The following ARHGAP24 variants were observed in gnomAD, a reference collection of about 807,000 sequenced individuals.
ARHGAP24 encodes the protein rho GTPase-activating protein 24.
ARHGAP24 carries 50 observed loss-of-function variants against 76.4 expected under a neutral mutation model. That is an observed-to-expected ratio of 0.65 (90% CI 0.52 to 0.83). The LOEUF is 0.83. Ranked by LOEUF, ARHGAP24 falls within the 40% of genes least tolerant of loss-of-function variation. The probability of loss-of-function intolerance (pLI) is 0.00; values close to 1 mark genes in which losing one functional copy is unlikely to be tolerated. For synonymous variants in ARHGAP24, 345 were observed against 323.3 expected (o/e 1.07, Z -0.72); for missense variants, 930 against 914.2 (o/e 1.02, Z -0.22).
intron 5 of ARHGAP24, among the ~76,000 whole-genome samples, chr4:85,960,030 G>A (rs760955461): frequency 5.9e-5 from 9 of 152,042 alleles, no homozygotes; most frequent in Non-Finnish European, 1.2e-4. Context: ...GAAATTAAAA[G>A]GATTTTCTGG....
chr4:85,482,321 A>G (rs1480210407), intron 1 of ARHGAP24, among the ~76,000 whole-genome samples: 1 of 152,194 alleles, frequency 6.6e-6, no homozygotes, highest in Non-Finnish European at 1.5e-5. Flanking sequence ...CACATTTCTA[A>G]ATAATTTGTT....
chr4:85,956,472 G>A (rs575903933), intron 5 of ARHGAP24, among the ~76,000 whole-genome samples: 45 of 152,168 alleles, frequency 3.0e-4, no homozygotes, highest in Admixed American at 1.4e-3. Flanking sequence ...AAATGGTGGC[G>A]GGCCACTTTG....
intron 2 of ARHGAP24, among the ~76,000 whole-genome samples, chr4:85,622,631 T>C (rs1423352671): frequency 2.6e-5 from 4 of 152,114 alleles, no homozygotes; most frequent in Middle Eastern, 3.2e-3. Flanking sequence ...ATGGCTGGGT[T>C]AAATGGTATT....
At chr4:85,686,314 C>A (rs72972850) in intron 2 of ARHGAP24, among the ~76,000 whole-genome samples, 1 of 152,082 alleles carries the variant, frequency 6.6e-6, no homozygotes, top group Non-Finnish European at 1.5e-5. Context: ...ATGGAGCTAG[C>A]ATTTACTAGA....
intron 3 of ARHGAP24, among the ~76,000 whole-genome samples, chr4:85,802,966 C>T (rs1728640863): frequency 6.6e-6 from 1 of 152,210 alleles, no homozygotes; most frequent in African/African-American, 2.4e-5. Context: ...GCTAGATGGA[C>T]TTGCTTTGCA....
At chr4:85,531,319 A>G (rs1462891873) in intron 1 of ARHGAP24, among the ~76,000 whole-genome samples, 1 of 152,102 alleles carries the variant, frequency 6.6e-6, no homozygotes, top group Non-Finnish European at 1.5e-5. Flanking sequence ...TGTCTGGAGT[A>G]TAGGAAATCC....
At chr4:85,533,901 C>T (rs1725366608) in intron 1 of ARHGAP24, among the ~76,000 whole-genome samples, 1 of 152,184 alleles carries the variant, frequency 6.6e-6, no homozygotes, top group Admixed American at 6.5e-5. Context: ...TGTTAAGTCA[C>T]TCTCTTCGAA....
intron 2 of ARHGAP24, among the ~76,000 whole-genome samples, chr4:85,709,350 T>C (rs148257924): frequency 2.0e-3 from 298 of 152,210 alleles, no homozygotes; most frequent in Non-Finnish European, 2.7e-3. Flanking sequence ...GGTTACAAGA[T>C]AAAATATCAT....
chr4:85,812,761 A>C lies in ARHGAP24; in HGVS notation c.268+90789A>C, dbSNP rs548019102. Among the ~76,000 whole-genome samples, 3 of 152,304 alleles carry C rather than the reference A, an allele frequency of 2.0e-5. No homozygotes were observed. In the South Asian group the frequency reaches 6.2e-4, roughly 32 times the overall value. On this transcript the variant is annotated intron_variant, in intron 3 of 9. Coordinates refer to ENST00000395184, the MANE Select transcript of ARHGAP24 (RefSeq NM_001025616.3). Reference sequence around the variant, plus strand: ...ATAATTGATCAATATAGCTTTCCTGATTATAGCCAATAGAACGTCTGATAC... The same window carrying C: ...ATAATTGATCAATATAGCTTTCCTGCTTATAGCCAATAGAACGTCTGATAC...
At chr4:85,756,740 G>A (rs1208418008) in intron 3 of ARHGAP24, among the ~76,000 whole-genome samples, 2 of 152,120 alleles carry the variant, frequency 1.3e-5, no homozygotes, top group Non-Finnish European at 2.9e-5. Flanking sequence ...TGCCTCTCTG[G>A]CAAGGTGTTT....
At chr4:85,624,196 C>G (rs947553019) in intron 2 of ARHGAP24, among the ~76,000 whole-genome samples, 1 of 152,112 alleles carries the variant, frequency 6.6e-6, no homozygotes, top group Non-Finnish European at 1.5e-5. Context: ...AGTTTTTGCC[C>G]ATTCAGTATG....
At chr4:85,783,875 G>A (rs949954557) in intron 3 of ARHGAP24, among the ~76,000 whole-genome samples, 1 of 152,150 alleles carries the variant, frequency 6.6e-6, no homozygotes, top group Non-Finnish European at 1.5e-5. Flanking sequence ...ATGGAACCGG[G>A]ACTTGCTTCA....
chr4:85,826,153 C>G (rs1017135034), intron 3 of ARHGAP24, among the ~76,000 whole-genome samples: 1 of 152,126 alleles, frequency 6.6e-6, no homozygotes, highest in African/African-American at 2.4e-5. Flanking sequence ...GTTCCCCGCC[C>G]CTCTCCACAA....
At chr4:85,696,960 G>T (rs920789461) in intron 2 of ARHGAP24, among the ~76,000 whole-genome samples, 9 of 152,146 alleles carry the variant, frequency 5.9e-5, no homozygotes, top group Admixed American at 4.6e-4. Context: ...TTCCTAGTAG[G>T]ATGCATATGG....
chr4:85,865,030 C>A (rs1578317232), intron 3 of ARHGAP24, among the ~76,000 whole-genome samples: 2 of 151,958 alleles, frequency 1.3e-5, no homozygotes, highest in African/African-American at 2.4e-5. Flanking sequence ...AGCAAAAGGA[C>A]CTAATTATCA....
intron 3 of ARHGAP24, among the ~76,000 whole-genome samples, chr4:85,731,148 T>C (rs1725390905): frequency 2.6e-5 from 2 of 77,604 alleles, no homozygotes; most frequent in South Asian, 9.6e-4. Flanking sequence ...TTCACACCCA[T>C]CTGCGCCCAC....
intron 1 of ARHGAP24, among the ~76,000 whole-genome samples, chr4:85,483,050 A>G (rs1722878948): frequency 6.6e-6 from 1 of 152,184 alleles, no homozygotes. Context: ...TGGGCATTTA[A>G]TGACACCTAC....
intron 3 of ARHGAP24, among the ~76,000 whole-genome samples, chr4:85,758,495 G>A (rs558393349): frequency 6.6e-6 from 1 of 152,268 alleles, no homozygotes; most frequent in East Asian, 1.9e-4. Flanking sequence ...CTTATAGGTT[G>A]CATGTTTGCA....
intron 2 of ARHGAP24, among the ~76,000 whole-genome samples, chr4:85,664,124 G>A (rs1722513972): frequency 1.3e-5 from 2 of 151,440 alleles, no homozygotes; most frequent in Admixed American, 6.6e-5. Context: ...GAATTCGGCT[G>A]TGAATCCATC....
Sources: gnomAD v4.1 joint callset for allele counts (sites outside exome capture counted in the v4.1 genomes callset) on GRCh38, gnomAD v4.1.1 for gene constraint, MANE v1.5 for transcripts, NCBI Gene and HGNC (gene_info 2026-07-23, HGNC 2026-07-21) for gene names.